THSD1: variants seen among roughly 807,000 people sequenced by gnomAD.
THSD1 encodes the protein thrombospondin type-1 domain-containing protein 1.
THSD1 carries 34 observed loss-of-function variants against 46.3 expected under a neutral mutation model. The observed-to-expected ratio is 0.74, with a 90% confidence interval of 0.56 to 0.98. The LOEUF is 0.98. Among genes scored for constraint, THSD1 ranks in the 50% least tolerant of loss-of-function variants. The pLI is 0.00. For missense variants in THSD1, 1,023 were observed against 1,058.3 expected, an observed-to-expected ratio of 0.97 and a Z score of 0.46; for synonymous variants, 407 against 416.5, an observed-to-expected ratio of 0.98 and a Z score of 0.28.
At position 52,398,110 on chromosome 13, in the gene THSD1, T is replaced by A; in HGVS notation, c.143A>T (p.Tyr48Phe). The change falls in exon 3 of 5, where the codon TAT becomes TTT. Residue 48 changes from tyrosine to phenylalanine, a missense_variant. Physicochemically the swap from Tyr to Phe is conservative, Grantham distance 22. Transcript: ENST00000258613. The stretch of plus-strand genomic sequence containing the variant: ...CAGTGTCCCATTAGCACCATCAAAA[T>A]ACTGGAAATCCACATACACTGTGTC... ...SNDTVYVDFQ[Y>F]FDGANGTLRN... 1 of 1,614,172 alleles carries A rather than the reference T, an allele frequency of 6.2e-7. No individual in the cohort carries two copies. Among genetic ancestry groups the A allele is most frequent in the Non-Finnish European group, 8.5e-7 (1 of 1,180,032 alleles).
intron 3 of THSD1, among the ~76,000 whole-genome samples, chr13:52,389,039 C>A (rs1310975161): frequency 1.3e-5 from 2 of 151,720 alleles, no homozygotes; most frequent in African/African-American, 4.9e-5. Flanking sequence ...CGGCTCACTG[C>A]AACCTCCACC....
chr13:52,384,558 T>C (rs1413722084), intron 4 of THSD1, among the ~76,000 whole-genome samples: 1 of 152,230 alleles, frequency 6.6e-6, no homozygotes, highest in African/African-American at 2.4e-5. Context: ...CGGTGAGCCT[T>C]AAGTGAGATA....
intron 4 of THSD1, among the ~76,000 whole-genome samples, chr13:52,381,292 A>G (rs1957690017): frequency 6.6e-6 from 1 of 152,140 alleles, no homozygotes. Context: ...CTGACCCTAG[A>G]CATGTGAACC....
At chr13:52,389,908 G>A (rs1957760550) in intron 3 of THSD1, among the ~76,000 whole-genome samples, 2 of 152,072 alleles carry the variant, frequency 1.3e-5, no homozygotes, top group African/African-American at 4.8e-5. Context: ...GGGAGGCCAA[G>A]GCAGGTGGAT....
At chr13:52,402,919 T>A in intron 1 of THSD1, 1 of 985,440 alleles carries the variant, frequency 1.0e-6, no homozygotes, top group Non-Finnish European at 1.2e-6. Context: ...AAATTATCTT[T>A]GCACAACACC....
intron 3 of THSD1, among the ~76,000 whole-genome samples, chr13:52,393,972 C>T (rs563652019): frequency 6.6e-6 from 1 of 152,166 alleles, no homozygotes; most frequent in Admixed American, 6.5e-5. Flanking sequence ...TGTTTAGCTC[C>T]CCCAGTTACT....
At chr13:52,395,840 C>T (rs1391729549) in intron 3 of THSD1, among the ~76,000 whole-genome samples, 1 of 152,132 alleles carries the variant, frequency 6.6e-6, no homozygotes, top group Admixed American at 6.5e-5. Flanking sequence ...GAGCAGCATG[C>T]AGGCCCTGCC....
Position 52,397,428 on chromosome 13 carries a change from G to T in THSD1, c.825C>A (p.Phe275Leu), listed in dbSNP as rs1362181828. 1 of 1,614,136 alleles carries T rather than the reference G, an allele frequency of 6.2e-7. No individual in the cohort carries two copies. Among genetic ancestry groups the T allele is most frequent in the Non-Finnish European group, 8.5e-7 (1 of 1,180,028 alleles). Residue 275 changes from phenylalanine to leucine, a missense_variant, in exon 3 of 5, where the codon TTC (phenylalanine) becomes TTA (leucine). Physicochemically the swap from Phe to Leu is conservative, Grantham distance 22. Transcript: ENST00000258613. ...TCCCAGGGTATCTGGGGGCCTCCTT[G>T]AAGACAGTGACCACTCCTTGGACGA... ...CTFVQGVVTV[F>L]KEAPRYPGKR...
rs1165383832 is a variant in THSD1 at position 52,378,426 on chromosome 13, C to T, written c.1544G>A (p.Ser515Asn). Residue 515 changes from serine to asparagine, a missense_variant, in exon 5 of 5, where the codon AGC (serine) becomes AAC (asparagine). Physicochemically the swap from Ser to Asn is conservative, Grantham distance 46. Coordinates refer to ENST00000258613, the MANE Select transcript of THSD1 (RefSeq NM_018676.4). ...TATCTTCTGGGCGTTGGACTGGAAG[C>T]TCTCGCTGCCAGAGGCATCATCCTC... is the stretch of plus-strand genomic sequence containing the variant. ...PPEDDASGSE[S>N]FQSNAQKIIP... is the part of the protein sequence containing the mutation. The T allele has an allele frequency of 6.8e-6, 11 of 1,614,174 alleles. No individual in the cohort carries two copies. Among genetic ancestry groups the T allele is most frequent in the Middle Eastern group, 1.6e-4 (1 of 6,062 alleles).
At chr13:52,393,537 A>G (rs1409591417) in intron 3 of THSD1, among the ~76,000 whole-genome samples, 1 of 152,122 alleles carries the variant, frequency 6.6e-6, no homozygotes, top group Admixed American at 6.6e-5. Flanking sequence ...GCATGCCTGT[A>G]CTCCCAGCTA....
chr13:52,390,152 AAAG>A (rs1957762943), intron 3 of THSD1, among the ~76,000 whole-genome samples: 1 of 151,572 alleles, frequency 6.6e-6, no homozygotes, highest in African/African-American at 2.4e-5. Context: ...AAAAAAAAAA[AAAG>A]AATTATTTTA....
chr13:52,391,565 A>G (rs1486456678), intron 3 of THSD1, among the ~76,000 whole-genome samples: 2 of 151,018 alleles, frequency 1.3e-5, no homozygotes, highest in East Asian at 3.9e-4. Context: ...TATTTTTTAG[A>G]TGGAGTCTTG....
chr13:52,395,074 G>T (rs1957801766), intron 3 of THSD1, among the ~76,000 whole-genome samples: 1 of 152,158 alleles, frequency 6.6e-6, no homozygotes, highest in South Asian at 2.1e-4. Flanking sequence ...TGACTGCAGG[G>T]ATGTGGGGGC....
At chr13:52,401,838 T>C (rs1312461851) in intron 2 of THSD1, among the ~76,000 whole-genome samples, 1 of 152,208 alleles carries the variant, frequency 6.6e-6, no homozygotes, top group African/African-American at 2.4e-5. Flanking sequence ...TGCCATGCAA[T>C]CAACTGCTTA....
chr13:52,381,282 C>G (rs1175431094), intron 4 of THSD1, among the ~76,000 whole-genome samples: 2 of 152,190 alleles, frequency 1.3e-5, no homozygotes, highest in East Asian at 3.9e-4. Flanking sequence ...CAGCAGAAGT[C>G]TGACCCTAGA....
intron 2 of THSD1, among the ~76,000 whole-genome samples, chr13:52,401,228 T>C (rs1004373394): frequency 3.9e-4 from 59 of 151,928 alleles, no homozygotes; most frequent in Non-Finnish European, 7.7e-4. Context: ...CCGCCTCGGC[T>C]TCCCAAAGTG....
chr13:52,397,988 C>T lies in THSD1; in HGVS notation c.265G>A (p.Glu89Lys). ...CCAGCCTCCTTGAAATAGAAGCACT[C>T]AAACTTTAGTGTTCCCTGGGACTGG... ...TNQSQGTLKF[E>K]CFYFKEAGDY... Residue 89 changes from glutamate (E) to lysine (K), a missense_variant, in exon 3 of 5, where the codon GAG becomes AAG. Glu to Lys is a moderately conservative substitution (Grantham distance 56, BLOSUM62 1). Transcript: ENST00000258613. The T allele has an allele frequency of 5.6e-6, 9 of 1,614,236 alleles. No homozygotes were observed. The highest frequency in any genetic ancestry group is 6.8e-6 in the Non-Finnish European group (8 of 1,180,036).
intron 4 of THSD1, among the ~76,000 whole-genome samples, chr13:52,381,043 G>A (rs113622941): frequency 2.6e-5 from 4 of 151,806 alleles, no homozygotes; most frequent in Non-Finnish European, 5.9e-5. Flanking sequence ...ATCTTAAACC[G>A]CTCAACCCAC....
rs907643380 is a variant in THSD1 at position 52,398,076 on chromosome 13, T to C, written c.177A>G (p.Val59=). The part of the protein sequence containing the change: ...FDGANGTLRN[V]SVLLLEANTN... ...TGTTGGCCTCCAACAGCAGGACAGA[T>C]ACATTCCTCAGTGTCCCATTAGCAC... is the stretch of plus-strand genomic sequence containing the variant. Residue 59 remains valine, a synonymous_variant, in exon 3 of 5, where the codon GTA becomes GTG. Coordinates refer to ENST00000258613, the MANE Select transcript of THSD1 (RefSeq NM_018676.4). 6.2e-7 allele frequency: 1 copy of C among 1,614,082 alleles called. No individual in the cohort carries two copies. Among genetic ancestry groups the C allele is most frequent in the Admixed American group, 1.7e-5 (1 of 60,008 alleles).
Sources: gnomAD v4.1 joint callset for allele counts (sites outside exome capture counted in the v4.1 genomes callset) on GRCh38, gnomAD v4.1.1 for gene constraint, MANE v1.5 for transcripts, NCBI Gene and HGNC (gene_info 2026-07-23, HGNC 2026-07-21) for gene names.